The following PPP2R3C variants were observed in gnomAD, a reference collection of about 807,000 sequenced individuals.
PPP2R3C encodes the protein serine/threonine-protein phosphatase 2A regulatory subunit B'' subunit gamma.
A neutral mutation model predicts 63.7 loss-of-function variants in PPP2R3C; 47 were observed. The ratio of observed to expected loss-of-function variants is 0.74; its 90% confidence interval spans 0.58 to 0.94. PPP2R3C has a LOEUF of 0.94. PPP2R3C is among the 40% of genes least tolerant of loss of function. The pLI is 0.00. For missense variants in PPP2R3C, 421 were observed against 518.4 expected (o/e 0.81, Z 1.82); for synonymous variants, 180 against 177.4 (o/e 1.01, Z -0.12).
chr14:35,106,675 T>C (rs1204608331), intron 6 of PPP2R3C, among the ~76,000 whole-genome samples: 1 of 148,840 alleles, frequency 6.7e-6, no homozygotes, highest in Non-Finnish European at 1.5e-5. Flanking sequence ...TTTTTTTTTT[T>C]TTTTTTTTTG....
At chr14:35,112,629 G>A (rs147288672) in intron 2 of PPP2R3C, among the ~76,000 whole-genome samples, 73 of 152,224 alleles carry the variant, frequency 4.8e-4, no homozygotes, top group South Asian at 1.0e-3. Flanking sequence ...CTCAGTCAGC[G>A]CCCTTAAAAT....
intron 10 of PPP2R3C, among the ~76,000 whole-genome samples, chr14:35,092,263 T>A (rs1430811006): frequency 1.3e-5 from 2 of 149,612 alleles, no homozygotes; most frequent in Non-Finnish European, 3.0e-5. Flanking sequence ...AGAGATGGGG[T>A]TTTCCTGTAT....
rs956907987 is a variant in PPP2R3C, at chr14:35,117,008, C to G, written c.59-271G>C. The G allele has an allele frequency of 6.9e-6, 3 of 433,014 alleles. No individual in the cohort carries two copies. In the East Asian group the frequency reaches 2.1e-4, roughly 30 times the overall value. 26.8% of individuals were successfully genotyped at this position (433,014 alleles called of 1,614,324 possible). A position where few individuals can be genotyped will look rare whatever the true frequency, so the allele number is the denominator to read the frequency against. ...AAAGCTAGTCTCTTCCTCAAATTAC[C>G]TCTCCTACAGAACTCTGTAGAGTGC... On this transcript the variant is annotated intron_variant, in intron 1 of 12. Transcript: ENST00000261475.
chr14:35,119,337 C>A (rs1459912435), intron 1 of PPP2R3C, among the ~76,000 whole-genome samples: 1 of 133,148 alleles, frequency 7.5e-6, no homozygotes, highest in Non-Finnish European at 1.7e-5. Flanking sequence ...AGTGCCCAGC[C>A]CAAATGAATT....
At chr14:35,101,835 G>A (rs2046200946) in intron 6 of PPP2R3C, 1 of 150,432 alleles carries the variant, frequency 6.6e-6, no homozygotes, top group Middle Eastern at 3.2e-3. Flanking sequence ...AGGGTAATTG[G>A]CCATTTCTGA....
chr14:35,095,209 A>T, intron 9 of PPP2R3C, 25 bp from the exon 10 acceptor site: 1 of 1,587,338 alleles, frequency 6.3e-7, no homozygotes, highest in Non-Finnish European at 8.6e-7. Flanking sequence ...TAATAAAGAC[A>T]CTTATGACCA....
At chr14:35,086,746 C>T in intron 12 of PPP2R3C, 1 of 152,672 alleles carries the variant, frequency 6.5e-6, no homozygotes, top group Non-Finnish European at 1.5e-5. Context: ...GATCCGCCTG[C>T]CTTGGCCTCC....
At chr14:35,119,484 T>C (rs1348988678) in intron 1 of PPP2R3C, among the ~76,000 whole-genome samples, 1 of 151,980 alleles carries the variant, frequency 6.6e-6, no homozygotes, top group Non-Finnish European at 1.5e-5. Flanking sequence ...ACTACAGTGG[T>C]GCACAACCAC....
intron 6 of PPP2R3C, among the ~76,000 whole-genome samples, chr14:35,104,910 T>C (rs924951613): frequency 3.3e-5 from 5 of 152,070 alleles, no homozygotes; most frequent in African/African-American, 1.2e-4. Context: ...GTTTTTGTAT[T>C]TTTAATAGAG....
At chr14:35,122,198 C>T, upstream of PPP2R3C, 2 of 532,648 alleles carry the variant, frequency 3.8e-6, no homozygotes, top group Admixed American at 3.1e-5. Context: ...AAATGGTTCT[C>T]CTTCAGAGGC....
intron 10 of PPP2R3C, among the ~76,000 whole-genome samples, chr14:35,093,843 G>A (rs2045913149): frequency 6.6e-6 from 1 of 152,082 alleles, no homozygotes; most frequent in Admixed American, 6.6e-5. Context: ...AGTAGAGACG[G>A]GGTTTCACCG....
intron 9 of PPP2R3C, 59 bp downstream of exon 9, chr14:35,096,499 G>T: frequency 6.7e-7 from 1 of 1,494,824 alleles, no homozygotes; most frequent in Admixed American, 1.7e-5. Context: ...ACTGTCCTCT[G>T]AACACCAATT....
intron 11 of PPP2R3C, among the ~76,000 whole-genome samples, chr14:35,089,816 C>T (rs61989493): frequency 0.015 from 2,297 of 150,076 alleles, 31 homozygotes; most frequent in Non-Finnish European, 0.025. Flanking sequence ...TAGGCGCCCG[C>T]CACCACGCCC....
intron 3 of PPP2R3C, 144 bp from the exon 4 acceptor site, chr14:35,110,075 G>A (rs1487886193): frequency 1.7e-6 from 1 of 584,750 alleles, no homozygotes; most frequent in Non-Finnish European, 2.9e-6. Flanking sequence ...TTATCCTTTT[G>A]ATTACTAACA....
Position 35,109,834 on chromosome 14 carries a change from G to A in PPP2R3C, c.389C>T (p.Ala130Val). The A allele has an allele frequency of 6.3e-7, 1 of 1,587,302 alleles. No individual in the cohort carries two copies. Among genetic ancestry groups the A allele is most frequent in the Non-Finnish European group, 8.6e-7 (1 of 1,156,368 alleles). ...TTATTCTTACTTGCACTTTGCTCCAGCCTTTTCACCAACCTTCAAAAAGTT... is the reference window on the plus strand; with the variant it reads ...TTATTCTTACTTGCACTTTGCTCCAACCTTTTCACCAACCTTCAAAAAGTT... Reference protein sequence around the residue: ...YENFLKVGEKAGAKCKQFFTA... With the variant: ...YENFLKVGEKVGAKCKQFFTA... Residue 130 changes from alanine (A) to valine (V), a missense_variant, in exon 4 of 13, where the codon GCT becomes GTT. Ala to Val is a moderately conservative substitution (Grantham distance 64). Coordinates refer to ENST00000261475, the MANE Select transcript of PPP2R3C (RefSeq NM_017917.4).
At chr14:35,120,397 A>T (rs1250204774) in intron 1 of PPP2R3C, among the ~76,000 whole-genome samples, 1 of 151,588 alleles carries the variant, frequency 6.6e-6, no homozygotes, top group Non-Finnish European at 1.5e-5. Flanking sequence ...GGCGCCCGCC[A>T]CCACTACCGG....
chr14:35,088,147 C>G, intron 11 of PPP2R3C, 137 bp from the exon 12 acceptor site: 1 of 714,254 alleles, frequency 1.4e-6, no homozygotes, highest in South Asian at 1.6e-5. Flanking sequence ...TGCCAATCTT[C>G]TTAGCTTTCT....
At chr14:35,092,396 C>T (rs1477104026) in intron 10 of PPP2R3C, among the ~76,000 whole-genome samples, 1 of 151,924 alleles carries the variant, frequency 6.6e-6, no homozygotes, top group Non-Finnish European at 1.5e-5. Flanking sequence ...GATGACTAAG[C>T]TATAAACTTA....
chr14:35,096,410 TA>T, intron 9 of PPP2R3C, 147 bp downstream of exon 9: 1 of 767,904 alleles, frequency 1.3e-6, no homozygotes. Flanking sequence ...TTTAAACAAG[TA>T]AATTTTGGTA....
Sources: gnomAD v4.1 joint callset for allele counts (sites outside exome capture counted in the v4.1 genomes callset) on GRCh38, gnomAD v4.1.1 for gene constraint, MANE v1.5 for transcripts, NCBI Gene and HGNC (gene_info 2026-07-23, HGNC 2026-07-21) for gene names.